POLR2B: variants seen among roughly 807,000 people sequenced by gnomAD.
POLR2B encodes the protein DNA-directed RNA polymerase II subunit RPB2.
Under a neutral mutation model 144.6 loss-of-function variants are expected in POLR2B, and 57 were observed. The observed-to-expected ratio is 0.39, with a 90% confidence interval of 0.32 to 0.49. The LOEUF (loss-of-function observed/expected upper bound fraction) is 0.49, where lower values mean the gene tolerates loss of function less well. Among genes scored for constraint, POLR2B ranks in the 20% least tolerant of loss-of-function variants. The pLI, the probability that POLR2B is intolerant of heterozygous loss-of-function variation, is 0.83. For synonymous variants in POLR2B, 442 were observed against 469.8 expected (o/e 0.94, Z 0.77); for missense variants, 595 against 1,467.4 (o/e 0.41, Z 9.71).
Position 57,011,453 on chromosome 4 carries a change from G to A in POLR2B, c.1800+353G>A, listed in dbSNP as rs56390967. ...TGAGACAGGAGAATCACTTGAACCC[G>A]GGAGGCGGGGGTTATGGTGAGGTGA... On this transcript the variant is annotated intron_variant, in intron 13 of 24. Transcript: ENST00000314595. Among the ~76,000 whole-genome samples, 322 of 152,170 alleles carry A rather than the reference G, an allele frequency of 2.1e-3. 2 individuals are homozygous for A. Among genetic ancestry groups the A allele is most frequent in the African/African-American group, 7.4e-3 (309 of 41,518 alleles).
intron 13 of POLR2B, among the ~76,000 whole-genome samples, chr4:57,013,337 T>C (rs1233773751): frequency 6.6e-6 from 1 of 152,128 alleles, no homozygotes; most frequent in East Asian, 1.9e-4. Context: ...AGTGATTCAC[T>C]TGAGGGCAGG....
At chr4:57,008,752 G>C (rs1046100625) in intron 10 of POLR2B, among the ~76,000 whole-genome samples, 1 of 152,218 alleles carries the variant, frequency 6.6e-6, no homozygotes, top group African/African-American at 2.4e-5. Flanking sequence ...CACCTGAACT[G>C]AATCTTGAAG....
chr4:56,982,201 A>G (rs1010072332), intron 1 of POLR2B, among the ~76,000 whole-genome samples: 8 of 151,486 alleles, frequency 5.3e-5, no homozygotes, highest in African/African-American at 9.7e-5. Context: ...CAACTGCCCA[A>G]ACTGAGCTAA....
intron 2 of POLR2B, 199 bp downstream of exon 2, chr4:56,986,625 T>G: frequency 2.4e-6 from 1 of 416,064 alleles, no homozygotes; most frequent in South Asian, 4.5e-5. Flanking sequence ...CCGAAAATGT[T>G]ACCCTGTACT....
chr4:57,028,881 C>T (rs1339440335), intron 23 of POLR2B, among the ~76,000 whole-genome samples: 1 of 152,190 alleles, frequency 6.6e-6, no homozygotes, highest in Non-Finnish European at 1.5e-5. Context: ...TGGTTTTAAT[C>T]AGTATACAGA....
At chr4:56,982,810 A>G (rs187619226) in intron 1 of POLR2B, among the ~76,000 whole-genome samples, 1 of 152,118 alleles carries the variant, frequency 6.6e-6, no homozygotes, top group Non-Finnish European at 1.5e-5. Context: ...TTTGGTATCT[A>G]TGGGAGGTCC....
At chr4:56,988,780 ATATTT>A (rs1201349531) in intron 2 of POLR2B, among the ~76,000 whole-genome samples, 2 of 152,176 alleles carry the variant, frequency 1.3e-5, no homozygotes, top group Non-Finnish European at 2.9e-5. Context: ...ACACCAAGAG[ATATTT>A]TATTAGGAAA....
In POLR2B at chr4:57,010,428, G is replaced by C; in HGVS notation, c.1472G>C (p.Arg491Thr). 1 of 1,614,012 alleles carries C rather than the reference G, an allele frequency of 6.2e-7. No homozygotes were observed. Among genetic ancestry groups the C allele is most frequent in the Non-Finnish European group, 8.5e-7 (1 of 1,179,926 alleles). ...HLRRLNSPIG[R>T]DGKLAKPRQL... Reference sequence around the variant, plus strand: ...CGTCGTTTAAATTCTCCTATTGGTAGAGACGGCAAGCTAGCAAAACCAAGA... The same window carrying C: ...CGTCGTTTAAATTCTCCTATTGGTACAGACGGCAAGCTAGCAAAACCAAGA... Residue 491 changes from arginine (R) to threonine (T), a missense_variant, in exon 11 of 25, where the codon AGA becomes ACA. By Grantham distance (71) the Arg-to-Thr change is moderately conservative. Coordinates refer to ENST00000314595, the MANE Select transcript of POLR2B (RefSeq NM_000938.3).
At chr4:56,993,828 T>C (rs1722595830) in intron 3 of POLR2B, among the ~76,000 whole-genome samples, 1 of 152,212 alleles carries the variant, frequency 6.6e-6, no homozygotes, top group African/African-American at 2.4e-5. Context: ...GAGGTTTATT[T>C]TTTAAAATGT....
intron 12 of POLR2B, 31 bp from the exon 13 acceptor site, chr4:57,010,958 A>T (rs1723170668): frequency 6.3e-7 from 1 of 1,599,470 alleles, no homozygotes; most frequent in Non-Finnish European, 8.6e-7. Flanking sequence ...AGAATTGTTA[A>T]GTGTAAAATG....
intron 1 of POLR2B, chr4:56,986,125 C>T (rs1578555882): frequency 2.0e-6 from 1 of 497,146 alleles, no homozygotes; most frequent in Non-Finnish European, 3.6e-6. Context: ...AACATTCATA[C>T]AACTTACATT....
Position 57,030,178 on chromosome 4 carries a change from A to G in POLR2B, c.3240-26A>G, listed in dbSNP as rs769727172. On this transcript the variant is annotated intron_variant, in intron 23 of 24. Coordinates refer to ENST00000314595, the MANE Select transcript of POLR2B (RefSeq NM_000938.3). ...GTGTTTATAATAAAAAATAAGTACA[A>G]AGTAATAATTTTTTTCTCTTAACAG... 2.0e-5 allele frequency: 32 copies of G among 1,575,830 alleles called. No individual in the cohort carries two copies. In the South Asian group the frequency reaches 3.1e-4, roughly 15 times the overall value.
At chr4:56,992,851 T>A (rs1722564266) in intron 3 of POLR2B, among the ~76,000 whole-genome samples, 1 of 152,014 alleles carries the variant, frequency 6.6e-6, no homozygotes, top group Non-Finnish European at 1.5e-5. Flanking sequence ...GCTTCTCTAT[T>A]TTTAATAGGC....
At chr4:56,988,132 T>G (rs1277286) in intron 2 of POLR2B, among the ~76,000 whole-genome samples, 135,507 of 151,840 alleles carry the variant, frequency 0.89, 60,493 homozygotes, top group East Asian at 0.97. Flanking sequence ...AAGGAGTTGA[T>G]GGTGAGGATA....
chr4:56,988,286 G>C (rs1263000696), intron 2 of POLR2B, among the ~76,000 whole-genome samples: 1 of 151,906 alleles, frequency 6.6e-6, no homozygotes, highest in Non-Finnish European at 1.5e-5. Context: ...CTTTCAAGCA[G>C]AAACAAAAAG....
chr4:57,001,778 TC>T (rs1046243050), intron 7 of POLR2B, among the ~76,000 whole-genome samples: 3 of 152,280 alleles, frequency 2.0e-5, no homozygotes, highest in Middle Eastern at 3.4e-3. Flanking sequence ...AGGTTAAATG[TC>T]CAGTTCCTTA....
intron 11 of POLR2B, 33 bp downstream of exon 11, chr4:57,010,537 A>T (rs1270106973): frequency 6.3e-7 from 1 of 1,592,090 alleles, no homozygotes; most frequent in Non-Finnish European, 8.6e-7. Context: ...CAGGACAAAA[A>T]GTCAGTGGGT....
chr4:56,979,393 T>C (rs1469831023), intron 1 of POLR2B, among the ~76,000 whole-genome samples: 1 of 125,664 alleles, frequency 8.0e-6, no homozygotes. Flanking sequence ...TGTCAGCCTG[T>C]GTCAGGCAGT....
At position 56,981,163 on chromosome 4, in the gene POLR2B, A is replaced by G. The variant is rs965216661; in HGVS notation, c.19+2159A>G. ...AATGGGATTTTCTCTTTTTTTAAAG[A>G]CAGTAATATTCACACTTTTCTCCAC... is the stretch of plus-strand genomic sequence containing the variant. On this transcript the variant is annotated intron_variant, in intron 1 of 24. Coordinates refer to ENST00000314595, the MANE Select transcript of POLR2B (RefSeq NM_000938.3). Among the ~76,000 whole-genome samples the G allele has an allele frequency of 2.6e-5, 4 of 152,180 alleles. No homozygotes were observed. In the South Asian group the frequency reaches 8.3e-4, roughly 32 times the overall value.
Sources: allele counts gnomAD v4.1 joint callset (sites outside exome capture counted in the v4.1 genomes callset), GRCh38; gene constraint gnomAD v4.1.1; transcripts MANE v1.5; gene names NCBI Gene and HGNC (gene_info 2026-07-23, HGNC 2026-07-21).